EPHB1: variants seen among roughly 807,000 people sequenced by gnomAD.
The protein encoded by EPHB1 is EPH receptor B1.
In EPHB1, 30 loss-of-function variants were observed where a neutral mutation model predicts 94.4. That is an observed-to-expected ratio of 0.32 (90% CI 0.24 to 0.43). The LOEUF (loss-of-function observed/expected upper bound fraction) is 0.43, where lower values mean the gene tolerates loss of function less well. EPHB1 is among the 20% of genes least tolerant of loss of function. The probability of loss-of-function intolerance (pLI) is 1.00; values close to 1 mark genes in which losing one functional copy is unlikely to be tolerated. For missense variants in EPHB1, 1,055 were observed against 1,308.3 expected (o/e 0.81, Z 2.99); for synonymous variants, 522 against 489.1 (o/e 1.07, Z -0.89).
intron 7 of EPHB1, among the ~76,000 whole-genome samples, chr3:135,163,522 T>G (rs1559857473): frequency 1.3e-5 from 2 of 152,186 alleles, no homozygotes; most frequent in Admixed American, 6.5e-5. Flanking sequence ...ATAATGCTAC[T>G]GGTATGAAAA....
At chr3:135,085,718 G>T (rs1397264879) in intron 3 of EPHB1, among the ~76,000 whole-genome samples, 2 of 152,160 alleles carry the variant, frequency 1.3e-5, no homozygotes, top group Non-Finnish European at 2.9e-5. Context: ...GCTGGGCCTT[G>T]CCCTCCTTGC....
rs369231377 is a variant in EPHB1 at position 135,100,778 on chromosome 3, CCTT to C, written c.806-5667_806-5665del. Reference sequence around the variant, plus strand: ...AAGTTGGGTGGGTGTTTCAAGGTGACCTTCTGGATACCAGCCAGAGGTGACATG... The same window carrying C: ...AAGTTGGGTGGGTGTTTCAAGGTGACCTGGATACCAGCCAGAGGTGACATG... On this transcript the variant is annotated intron_variant, in intron 3 of 15. Transcript: ENST00000398015. 3.7e-4 allele frequency among the ~76,000 whole-genome samples: 56 copies of C among 152,204 alleles called. No homozygotes were observed. The East Asian group carries it at 8.3e-3, about 23-fold the overall frequency.
rs752762812 is a variant in EPHB1 at position 135,192,677 on chromosome 3, C to T, written c.1984C>T (p.Arg662Cys). 4.3e-6 allele frequency: 7 copies of T among 1,614,052 alleles called. No individual in the cohort carries two copies. Among genetic ancestry groups the T allele is most frequent in the East Asian group, 2.2e-5 (1 of 44,888 alleles). Reference protein sequence around the residue: ...TLKAGYSEKQRRDFLSEASIM... With the variant: ...TLKAGYSEKQCRDFLSEASIM... ...GAAGGCAGGGTACTCGGAGAAGCAG[C>T]GTCGGGACTTTCTGAGTGAGGCGAG... The change falls in exon 11 of 16, where the codon CGT becomes TGT. Residue 662 changes from arginine (R) to cysteine (C), a missense_variant. Arg to Cys is a radical substitution (Grantham distance 180). Transcript: ENST00000398015.
At chr3:135,004,462 T>C (rs1038397228) in intron 3 of EPHB1, among the ~76,000 whole-genome samples, 1 of 152,154 alleles carries the variant, frequency 6.6e-6, no homozygotes, top group African/African-American at 2.4e-5. Context: ...TCCAGGAGTA[T>C]CTTTGTGGCG....
At chr3:135,155,220 G>A (rs1941314263) in intron 6 of EPHB1, among the ~76,000 whole-genome samples, 1 of 152,154 alleles carries the variant, frequency 6.6e-6, no homozygotes. Flanking sequence ...CAAGGTAAAT[G>A]GGATCAGGAG....
intron 5 of EPHB1, among the ~76,000 whole-genome samples, chr3:135,138,209 A>G (rs1383149528): frequency 6.6e-6 from 1 of 151,996 alleles, no homozygotes; most frequent in Non-Finnish European, 1.5e-5. Flanking sequence ...CACAGACACA[A>G]CCCATTATTT....
At chr3:135,176,623 T>G (rs1941985720) in intron 9 of EPHB1, among the ~76,000 whole-genome samples, 1 of 152,218 alleles carries the variant, frequency 6.6e-6, no homozygotes, top group African/African-American at 2.4e-5. Context: ...GTGCAGACTT[T>G]GTTCCGTTTA....
At chr3:135,105,097 C>T (rs1044254954) in intron 3 of EPHB1, among the ~76,000 whole-genome samples, 5 of 152,128 alleles carry the variant, frequency 3.3e-5, no homozygotes, top group African/African-American at 1.2e-4. Flanking sequence ...CTTAACAAGA[C>T]AAGTTAACAG....
chr3:134,979,617 A>G (rs1934330107), intron 3 of EPHB1, among the ~76,000 whole-genome samples: 1 of 152,220 alleles, frequency 6.6e-6, no homozygotes, highest in Non-Finnish European at 1.5e-5. Context: ...ACAATGGTTC[A>G]ACTTATGATT....
intron 10 of EPHB1, among the ~76,000 whole-genome samples, chr3:135,185,934 G>A (rs1942316124): frequency 6.6e-6 from 1 of 152,142 alleles, no homozygotes; most frequent in African/African-American, 2.4e-5. Flanking sequence ...CACATGCCCT[G>A]GAGAGAGCAT....
chr3:134,898,358 G>C (rs2038127590), intron 1 of EPHB1, among the ~76,000 whole-genome samples: 1 of 152,178 alleles, frequency 6.6e-6, no homozygotes, highest in South Asian at 2.1e-4. Flanking sequence ...GGGCTGAGAA[G>C]CTGAGTGTGT....
intron 5 of EPHB1, among the ~76,000 whole-genome samples, chr3:135,143,768 A>G (rs1315706103): frequency 6.6e-6 from 1 of 152,184 alleles, no homozygotes; most frequent in African/African-American, 2.4e-5. Flanking sequence ...ATCCTGCTCC[A>G]CAGACACCTC....
At chr3:135,190,712 A>G (rs149161551) in intron 10 of EPHB1, among the ~76,000 whole-genome samples, 85 of 152,370 alleles carry the variant, frequency 5.6e-4, no homozygotes, top group Non-Finnish European at 1.1e-3. Flanking sequence ...ACAAATTCAA[A>G]TAGTGGTACT....
chr3:135,223,277 G>A (rs186992690), intron 12 of EPHB1, among the ~76,000 whole-genome samples: 2 of 152,308 alleles, frequency 1.3e-5, no homozygotes, highest in Admixed American at 1.3e-4. Flanking sequence ...ATGGGCCAGG[G>A]CACTGCTGGG....
At chr3:134,825,715 C>A (rs2036464434) in intron 1 of EPHB1, among the ~76,000 whole-genome samples, 1 of 152,144 alleles carries the variant, frequency 6.6e-6, no homozygotes, top group Non-Finnish European at 1.5e-5. Context: ...ATGTTGCCTC[C>A]AGGAGCTTTC....
chr3:134,909,179 C>T (rs549463887), intron 1 of EPHB1, among the ~76,000 whole-genome samples: 46 of 151,230 alleles, frequency 3.0e-4, no homozygotes, highest in Non-Finnish European at 5.4e-4. Flanking sequence ...ACAGAATGCT[C>T]AGGAGGTCCT....
intron 12 of EPHB1, among the ~76,000 whole-genome samples, chr3:135,226,725 G>A (rs4894320): frequency 0.28 from 42,175 of 151,972 alleles, 6,129 homozygotes; most frequent in East Asian, 0.51. Flanking sequence ...GTCCAACTTG[G>A]AAGGTTGTTG....
intron 3 of EPHB1, among the ~76,000 whole-genome samples, chr3:135,052,205 G>A (rs1169541294): frequency 2.0e-5 from 3 of 152,114 alleles, no homozygotes; most frequent in Non-Finnish European, 4.4e-5. Flanking sequence ...AAGAGATATG[G>A]GTCAGAGGCT....
At chr3:134,926,991 G>A (rs773380134) in intron 2 of EPHB1, among the ~76,000 whole-genome samples, 2 of 152,210 alleles carry the variant, frequency 1.3e-5, no homozygotes, top group East Asian at 1.9e-4. Flanking sequence ...GGCTTGGGCA[G>A]TTGGCTAATT....
Sources: gnomAD v4.1 joint callset for allele counts (sites outside exome capture counted in the v4.1 genomes callset) on GRCh38, gnomAD v4.1.1 for gene constraint, MANE v1.5 for transcripts, NCBI Gene and HGNC (gene_info 2026-07-23, HGNC 2026-07-21) for gene names.